Variants in SEM1 observed in about 807,000 individuals in gnomAD.
SEM1 encodes SEM1 26S proteasome subunit, also known as 26S proteasome complex subunit SEM1.
A neutral mutation model predicts 12.7 loss-of-function variants in SEM1; 3 were observed. The observed-to-expected ratio is 0.24, with a 90% CI of 0.11 to 0.61. SEM1 has a LOEUF of 0.61. Ranked by LOEUF, SEM1 falls within the 20% of genes least tolerant of loss-of-function variation. The pLI, the probability that SEM1 is intolerant of heterozygous loss-of-function variation, is 0.88. For missense variants in SEM1, 59 were observed against 81.3 expected (o/e 0.73, Z 1.06); for synonymous variants, 30 against 27.8 (o/e 1.08, Z -0.25).
intron 2 of SEM1, among the ~76,000 whole-genome samples, chr7:96,680,475 G>A (rs1490461923): frequency 6.6e-6 from 1 of 152,070 alleles, no homozygotes; most frequent in East Asian, 1.9e-4. Context: ...AAACAGGGGT[G>A]TGCCGGCCCA....
At chr7:96,607,663 T>C (rs924982411) in intron 2 of SEM1, among the ~76,000 whole-genome samples, 33 of 152,150 alleles carry the variant, frequency 2.2e-4, no homozygotes, top group Admixed American at 1.5e-3. Context: ...CTGCCCACAA[T>C]TGGGCCCACT....
intron 2 of SEM1, among the ~76,000 whole-genome samples, chr7:96,519,442 A>G (rs1473315400): frequency 6.6e-6 from 1 of 152,158 alleles, no homozygotes; most frequent in East Asian, 1.9e-4. Context: ...AGGAGGGGAT[A>G]CATACTACGG....
At chr7:96,656,819 G>A (rs2116490148) in intron 2 of SEM1, among the ~76,000 whole-genome samples, 1 of 150,864 alleles carries the variant, frequency 6.6e-6, no homozygotes, top group Non-Finnish European at 1.5e-5. Context: ...ATATAGCCCA[G>A]TTGAAGAGTG....
chr7:96,534,621 A>T (rs749934605), intron 2 of SEM1, among the ~76,000 whole-genome samples: 10 of 152,032 alleles, frequency 6.6e-5, no homozygotes, highest in Admixed American at 1.3e-4. Context: ...AGTATCACAG[A>T]ATAATAACAA....
At position 96,603,107 on chromosome 7, in the gene SEM1, G is replaced by A. The variant is rs141829841; in HGVS notation, c.170+91691C>T. ...GTTCACTTGGAAGGTAGCTCTATGC[G>A]TTGAGTGAACAGAACTTGCAAATGA... is the stretch of plus-strand genomic sequence containing the variant. On this transcript the variant is annotated intron_variant and NMD_transcript_variant, in intron 2 of 3. Coordinates refer to the SEM1 transcript ENST00000466986. 2.3e-3 allele frequency among the ~76,000 whole-genome samples: 357 copies of A among 152,266 alleles called. 1 individual carries two copies. Among genetic ancestry groups the A allele is most frequent in the African/African-American group, 8.3e-3 (345 of 41,568 alleles).
chr7:96,584,598 G>A (rs1458795065), intron 2 of SEM1, among the ~76,000 whole-genome samples: 3 of 151,230 alleles, frequency 2.0e-5, no homozygotes, highest in African/African-American at 7.3e-5. Flanking sequence ...GTCACTTTCA[G>A]GTACACCAAT....
chr7:96,709,188 C>T (rs1343629802), intron 1 of SEM1, among the ~76,000 whole-genome samples: 1 of 152,070 alleles, frequency 6.6e-6, no homozygotes, highest in African/African-American at 2.4e-5. Flanking sequence ...AGGAATGAGG[C>T]AATAATGTGT....
intron 2 of SEM1, among the ~76,000 whole-genome samples, chr7:96,539,461 T>G (rs1419664739): frequency 1.3e-5 from 2 of 151,790 alleles, no homozygotes; most frequent in Non-Finnish European, 2.9e-5. Context: ...CAACAAGATT[T>G]TGTTATTGTG....
At chr7:96,514,531 A>C (rs77100337) in intron 2 of SEM1, among the ~76,000 whole-genome samples, 1 of 135,298 alleles carries the variant, frequency 7.4e-6, no homozygotes. Context: ...AGTAATTGAC[A>C]AAAAACCTCC....
intron 2 of SEM1, among the ~76,000 whole-genome samples, chr7:96,607,676 A>G (rs1807422923): frequency 1.3e-5 from 2 of 152,152 alleles, no homozygotes; most frequent in South Asian, 2.1e-4. Flanking sequence ...GGCCCACTGA[A>G]CTTCCGGCAG....
At chr7:96,534,845 T>G (rs1804741548) in intron 2 of SEM1, among the ~76,000 whole-genome samples, 1 of 152,080 alleles carries the variant, frequency 6.6e-6, no homozygotes, top group Non-Finnish European at 1.5e-5. Flanking sequence ...TTGTTACTTT[T>G]TGTTAAAATA....
chr7:96,598,328 A>C (rs541254611), intron 2 of SEM1, among the ~76,000 whole-genome samples: 3 of 152,108 alleles, frequency 2.0e-5, no homozygotes, highest in Admixed American at 2.0e-4. Context: ...AGAACTAAAT[A>C]TTGTATGGGG....
chr7:96,627,950 C>T (rs181138616), intron 2 of SEM1, among the ~76,000 whole-genome samples: 117 of 152,090 alleles, frequency 7.7e-4, no homozygotes, highest in Admixed American at 3.8e-3. Context: ...CTGAGTGCTC[C>T]GGTGTTGGGT....
chr7:96,673,527 T>C (rs994842517), exon 3 of SEM1: 77 of 517,316 alleles, frequency 1.5e-4, no homozygotes, highest in Non-Finnish European at 2.4e-4. Flanking sequence ...TATCATAATC[T>C]CTTACTACCC....
intron 2 of SEM1, among the ~76,000 whole-genome samples, chr7:96,541,965 T>C (rs956134729): frequency 1.5e-4 from 19 of 130,402 alleles, no homozygotes; most frequent in East Asian, 7.5e-4. Flanking sequence ...TTTTTTTTTT[T>C]CCAATAGCAT....
At chr7:96,625,692 C>T (rs2116308247) in intron 2 of SEM1, among the ~76,000 whole-genome samples, 1 of 152,244 alleles carries the variant, frequency 6.6e-6, no homozygotes, top group African/African-American at 2.4e-5. Flanking sequence ...TAACAAGCTT[C>T]CAGGTTATAA....
At chr7:96,546,819 A>G (rs1455933056) in intron 2 of SEM1, among the ~76,000 whole-genome samples, 1 of 151,874 alleles carries the variant, frequency 6.6e-6, no homozygotes, top group East Asian at 1.9e-4. Context: ...TTAAGGATAA[A>G]CTGTCATGCT....
intron 2 of SEM1, among the ~76,000 whole-genome samples, chr7:96,666,159 G>C (rs1447283741): frequency 2.6e-5 from 4 of 152,148 alleles, no homozygotes; most frequent in African/African-American, 7.2e-5. Flanking sequence ...CGAATCTCTA[G>C]GACTCTTGTT....
At chr7:96,677,712 A>T (rs1789489010) in intron 2 of SEM1, among the ~76,000 whole-genome samples, 1 of 152,046 alleles carries the variant, frequency 6.6e-6, no homozygotes, top group Non-Finnish European at 1.5e-5. Context: ...TCTCTTTTTA[A>T]GATAGAAAGT....
Sources: allele counts gnomAD v4.1 joint callset (sites outside exome capture counted in the v4.1 genomes callset), GRCh38; gene constraint gnomAD v4.1.1; transcripts MANE v1.5; gene names NCBI Gene and HGNC (gene_info 2026-07-23, HGNC 2026-07-21).